The following CNTNAP5 variants were observed in gnomAD, a reference collection of about 807,000 sequenced individuals.
The protein encoded by CNTNAP5 is contactin associated protein family member 5, also known as contactin-associated protein-like 5.
Under a neutral mutation model 150.2 loss-of-function variants are expected in CNTNAP5, and 72 were observed. That is an observed-to-expected ratio of 0.48 (90% CI 0.40 to 0.58). The LOEUF (loss-of-function observed/expected upper bound fraction) is 0.58, where lower values mean the gene tolerates loss of function less well. Among genes scored for constraint, CNTNAP5 ranks in the 20% least tolerant of loss-of-function variants. CNTNAP5 has a pLI of 0.00. For synonymous variants in CNTNAP5, 672 were observed against 619.8 expected, an observed-to-expected ratio of 1.08 and a Z score of -1.25; for missense variants, 1,636 against 1,626.2, an observed-to-expected ratio of 1.01 and a Z score of -0.10.
intron 10 of CNTNAP5, among the ~76,000 whole-genome samples, chr2:124,546,364 A>ATATG (rs1553478192): frequency 1.3e-5 from 2 of 150,506 alleles, no homozygotes; most frequent in Non-Finnish European, 3.0e-5. Context: ...GGATTTCTCA[A>ATATG]TGTGTGTGTG....
chr2:124,861,296 G>C (rs990485673), intron 19 of CNTNAP5, among the ~76,000 whole-genome samples: 4 of 152,152 alleles, frequency 2.6e-5, no homozygotes, highest in Admixed American at 2.6e-4. Flanking sequence ...ATGCTGGCCA[G>C]GCGTGGTGGC....
At chr2:124,035,387 T>G (rs944150711) in intron 1 of CNTNAP5, among the ~76,000 whole-genome samples, 8 of 96,148 alleles carry the variant, frequency 8.3e-5, no homozygotes, top group African/African-American at 3.1e-4. Flanking sequence ...TTCCCCATGT[T>G]CTTCTACTCC....
chr2:124,402,470 G>T (rs1219122504), intron 3 of CNTNAP5, among the ~76,000 whole-genome samples: 1 of 152,180 alleles, frequency 6.6e-6, no homozygotes, highest in Admixed American at 6.5e-5. Flanking sequence ...CACTAGCACA[G>T]CTCTGAGAGC....
chr2:124,328,730 A>G (rs1689279108), intron 3 of CNTNAP5, among the ~76,000 whole-genome samples: 1 of 152,128 alleles, frequency 6.6e-6, no homozygotes, highest in Admixed American at 6.6e-5. Flanking sequence ...TCTTTAACAG[A>G]TATACAAAAG....
intron 6 of CNTNAP5, among the ~76,000 whole-genome samples, chr2:124,467,511 T>C (rs1693404867): frequency 6.6e-6 from 1 of 152,120 alleles, no homozygotes; most frequent in African/African-American, 2.4e-5. Flanking sequence ...AGAGGAAGAT[T>C]TTAATTTTTA....
intron 1 of CNTNAP5, among the ~76,000 whole-genome samples, chr2:124,181,054 A>T (rs1445170329): frequency 6.6e-6 from 1 of 152,126 alleles, no homozygotes; most frequent in Non-Finnish European, 1.5e-5. Flanking sequence ...AAAAAATTCT[A>T]GCCAGTCAAC....
intron 3 of CNTNAP5, among the ~76,000 whole-genome samples, chr2:124,394,782 C>T (rs1194725691): frequency 6.6e-6 from 1 of 152,178 alleles, no homozygotes; most frequent in Non-Finnish European, 1.5e-5. Context: ...AGCCCATCTG[C>T]TTTTCCTTCA....
At chr2:124,912,164 T>C (rs1678670722) in intron 23 of CNTNAP5, among the ~76,000 whole-genome samples, 1 of 152,102 alleles carries the variant, frequency 6.6e-6, no homozygotes. Flanking sequence ...TTTTTCCATC[T>C]GGGTCTACCA....
chr2:124,113,703 G>A (rs573230649), intron 1 of CNTNAP5, among the ~76,000 whole-genome samples: 9 of 151,770 alleles, frequency 5.9e-5, no homozygotes, highest in African/African-American at 1.9e-4. Context: ...TTTCCTTATA[G>A]CCTCTTGCAT....
At chr2:124,497,855 C>T (rs1223630463) in intron 7 of CNTNAP5, among the ~76,000 whole-genome samples, 1 of 152,174 alleles carries the variant, frequency 6.6e-6, no homozygotes, top group Non-Finnish European at 1.5e-5. Flanking sequence ...TGTCTATCAG[C>T]AGAGCAGCAT....
intron 1 of CNTNAP5, among the ~76,000 whole-genome samples, chr2:124,091,560 G>A (rs924200155): frequency 2.0e-5 from 3 of 152,110 alleles, no homozygotes; most frequent in Non-Finnish European, 2.9e-5. Context: ...AATAAAATAT[G>A]TAAAGAACCT....
intron 3 of CNTNAP5, among the ~76,000 whole-genome samples, chr2:124,335,958 A>G (rs1022773044): frequency 6.6e-6 from 1 of 152,122 alleles, no homozygotes; most frequent in African/African-American, 2.4e-5. Flanking sequence ...ATTTATGTGG[A>G]CAAGCTTAGG....
intron 4 of CNTNAP5, among the ~76,000 whole-genome samples, chr2:124,428,411 A>G (rs1692292242): frequency 6.6e-6 from 1 of 152,176 alleles, no homozygotes; most frequent in African/African-American, 2.4e-5. Flanking sequence ...ACAAGAATGC[A>G]TGAGTGAAGG....
intron 19 of CNTNAP5, among the ~76,000 whole-genome samples, chr2:124,848,839 A>G (rs1683101091): frequency 1.3e-5 from 2 of 152,156 alleles, no homozygotes; most frequent in South Asian, 4.1e-4. Flanking sequence ...CACTTTTGTC[A>G]TTGTTTATTC....
At chr2:124,674,005 T>C (rs1434992536) in intron 13 of CNTNAP5, among the ~76,000 whole-genome samples, 1 of 152,136 alleles carries the variant, frequency 6.6e-6, no homozygotes, top group African/African-American at 2.4e-5. Context: ...TTTTCAGTCA[T>C]TCCCCATTCC....
intron 10 of CNTNAP5, among the ~76,000 whole-genome samples, chr2:124,543,593 A>G (rs1695439666): frequency 2.0e-5 from 3 of 152,186 alleles, no homozygotes; most frequent in African/African-American, 7.2e-5. Flanking sequence ...GAAGTTATTG[A>G]AGAAGAAAGG....
At chr2:124,732,421 A>T (rs1272987589) in intron 13 of CNTNAP5, among the ~76,000 whole-genome samples, 1 of 152,140 alleles carries the variant, frequency 6.6e-6, no homozygotes, top group Non-Finnish European at 1.5e-5. Flanking sequence ...GCCTTTGGTG[A>T]GGGATCAGAC....
At chr2:124,713,372 T>A (rs1427238216) in intron 13 of CNTNAP5, among the ~76,000 whole-genome samples, 1 of 136,994 alleles carries the variant, frequency 7.3e-6, no homozygotes, top group Non-Finnish European at 1.6e-5. Flanking sequence ...TCTTTCTTTC[T>A]TTCTTTCTTC....
intron 3 of CNTNAP5, 77 bp downstream of exon 3, chr2:124,242,470 C>A: frequency 1.5e-6 from 2 of 1,363,806 alleles, no homozygotes; most frequent in Admixed American, 2.1e-5. Context: ...CGTCATTTTC[C>A]AATATCCAGA....
Sources: allele counts gnomAD v4.1 joint callset (sites outside exome capture counted in the v4.1 genomes callset), GRCh38; gene constraint gnomAD v4.1.1; transcripts MANE v1.5; gene names NCBI Gene and HGNC (gene_info 2026-07-23, HGNC 2026-07-21).